ITIH5: variants seen among roughly 807,000 people sequenced by gnomAD.
ITIH5 encodes inter-alpha-trypsin inhibitor heavy chain 5.
Under a neutral mutation model 77.5 loss-of-function variants are expected in ITIH5, and 65 were observed. The observed-to-expected ratio is 0.84, with a 90% CI of 0.69 to 1.03. ITIH5 has a LOEUF of 1.03. Ranked by LOEUF, ITIH5 falls within the 50% of genes least tolerant of loss-of-function variation. The pLI is 0.00. For synonymous variants in ITIH5, 525 were observed against 494.3 expected (o/e 1.06, Z -0.82); for missense variants, 1,208 against 1,213.1 (o/e 1.00, Z 0.06).
At chr10:7,655,384 T>G (rs1053364745) in intron 2 of ITIH5, among the ~76,000 whole-genome samples, 1 of 151,856 alleles carries the variant, frequency 6.6e-6, no homozygotes, top group African/African-American at 2.4e-5. Context: ...TTAAAAAAAA[T>G]AAACCTGCAA....
intron 7 of ITIH5, among the ~76,000 whole-genome samples, chr10:7,595,694 G>A (rs1279495446): frequency 1.3e-5 from 2 of 152,024 alleles, no homozygotes; most frequent in Non-Finnish European, 1.5e-5. Flanking sequence ...ATTCTTCCAG[G>A]CACAAGGCAG....
intron 5 of ITIH5, among the ~76,000 whole-genome samples, chr10:7,624,564 T>C (rs932297974): frequency 6.6e-6 from 1 of 151,144 alleles, no homozygotes; most frequent in Non-Finnish European, 1.5e-5. Flanking sequence ...ATGCCTATAA[T>C]CCCAGCACTT....
At chr10:7,635,910 C>A (rs557555429) in intron 5 of ITIH5, among the ~76,000 whole-genome samples, 2 of 152,246 alleles carry the variant, frequency 1.3e-5, no homozygotes, top group South Asian at 4.1e-4. Context: ...CAGCCGCAGG[C>A]ACTGAATACA....
At chr10:7,598,827 T>C (rs1268958890) in intron 7 of ITIH5, among the ~76,000 whole-genome samples, 12 of 152,236 alleles carry the variant, frequency 7.9e-5, no homozygotes, top group Admixed American at 7.8e-4. Context: ...CTGGCTAAAG[T>C]CAGCCTTAAC....
intron 5 of ITIH5, chr10:7,619,676 A>C (rs916242361): frequency 1.5e-5 from 4 of 258,494 alleles, no homozygotes; most frequent in Non-Finnish European, 3.4e-5. Context: ...AGCGAGAGAC[A>C]GAACTGGGAA....
Position 7,563,121 on chromosome 10 carries a change from C to T in ITIH5, c.2791G>A (p.Gly931Arg). Residue 931 changes from glycine (G) to arginine (R), a missense_variant, in exon 14 of 14, where the codon GGG becomes AGG. Transcript: ENST00000397146. ...DYLASHPFDT[G>R]MTLGRGMSRE... ...GACATTCCCCGGCCAAGTGTCATCC[C>T]TGTGTCAAATGGATGGGATGCCAGG... 6.2e-7 allele frequency: 1 copy of T among 1,614,080 alleles called. No individual in the cohort carries two copies. Among genetic ancestry groups the T allele is most frequent in the Admixed American group, 1.7e-5 (1 of 60,028 alleles).
chr10:7,604,460 C>T (rs998137348), intron 7 of ITIH5, among the ~76,000 whole-genome samples: 12 of 152,238 alleles, frequency 7.9e-5, no homozygotes, highest in South Asian at 4.1e-4. Flanking sequence ...TTAACTCACA[C>T]GCTCCGCGTT....
At chr10:7,601,774 C>G (rs1271173783) in intron 7 of ITIH5, among the ~76,000 whole-genome samples, 1 of 152,196 alleles carries the variant, frequency 6.6e-6, no homozygotes, top group Non-Finnish European at 1.5e-5. Context: ...CAGAATTTCT[C>G]TTCATTGATT....
At chr10:7,650,447 A>C (rs1834079253) in intron 2 of ITIH5, among the ~76,000 whole-genome samples, 1 of 152,152 alleles carries the variant, frequency 6.6e-6, no homozygotes, top group African/African-American at 2.4e-5. Context: ...TGAGAAAAAC[A>C]ATACAGGGCC....
At chr10:7,642,805 C>T (rs774797487) in intron 2 of ITIH5, among the ~76,000 whole-genome samples, 1 of 152,192 alleles carries the variant, frequency 6.6e-6, no homozygotes, top group Non-Finnish European at 1.5e-5. Flanking sequence ...CTGGTGACAG[C>T]TGGTAGCAGA....
chr10:7,606,464 G>C (rs958963027), intron 7 of ITIH5, among the ~76,000 whole-genome samples: 3 of 152,180 alleles, frequency 2.0e-5, no homozygotes, highest in Admixed American at 1.3e-4. Context: ...AACATGGATG[G>C]ATCTGGGAGC....
In ITIH5 at chr10:7,590,309, C is replaced by T. The variant is rs138552381; in HGVS notation, c.940-4240G>A. ...ATTCCAACTCCTCTCCCTAAATATC[C>T]CTGTGACCATAAACTGATATTCCTT... On this transcript the variant is annotated intron_variant, in intron 7 of 13. Coordinates refer to ENST00000397146, the MANE Select transcript of ITIH5 (RefSeq NM_030569.7). Among the ~76,000 whole-genome samples, 584 of 152,308 alleles carry T rather than the reference C, an allele frequency of 3.8e-3. 5 individuals carry two copies. The highest frequency in any genetic ancestry group is 0.014 in the African/African-American group (569 of 41,582).
Position 7,624,469 on chromosome 10 carries a change from T to A in ITIH5, c.653-7187A>T, listed in dbSNP as rs961932774. Among the ~76,000 whole-genome samples the A allele has an allele frequency of 4.7e-5, 7 of 150,364 alleles. No homozygotes were observed. The East Asian group carries it at 1.4e-3, about 30-fold the overall frequency. On this transcript the variant is annotated intron_variant, in intron 5 of 13. Transcript: ENST00000397146. ...TTGCAGTGAGCCAAGATCGTACCAT[T>A]GCACTCCAGCCTGGGCAACAAGAGC...
intron 5 of ITIH5, among the ~76,000 whole-genome samples, chr10:7,629,921 C>T (rs116965613): frequency 6.3e-4 from 96 of 152,302 alleles, no homozygotes; most frequent in African/African-American, 2.3e-3. Context: ...GAATTCCAGA[C>T]AACCCACTCT....
In ITIH5 at chr10:7,642,028, G is replaced by A. The variant is rs12241347; in HGVS notation, c.198C>T (p.Phe66=). The stretch of plus-strand genomic sequence containing the variant: ...TCAGCATTCTGCAGGAAACCGTAGT[G>A]AAGGCATAACGGGAAATGATGGTAG... ...VKSTIISRYA[F]TTVSCRMLNR... Residue 66 remains phenylalanine (F), a synonymous_variant, in exon 3 of 14, where the codon TTC becomes TTT. Coordinates refer to ENST00000397146, the MANE Select transcript of ITIH5 (RefSeq NM_030569.7). 4.8e-3 allele frequency: 7,714 copies of A among 1,614,012 alleles called. 329 individuals are homozygous for A. The African/African-American group carries it at 0.087, about 18-fold the overall frequency.
Position 7,559,783 on chromosome 10 carries a change from T to C in ITIH5, c.*3300A>G, listed in dbSNP as rs1832005131. The C allele has an allele frequency of 2.2e-6, 1 of 454,814 alleles. No individual in the cohort carries two copies. Among genetic ancestry groups the C allele is most frequent in the African/African-American group, 2.0e-5 (1 of 49,760 alleles). The allele number at this position is 454,814 out of a possible 1,614,324, so 28.2% of individuals were successfully genotyped here. On this transcript the variant is annotated 3_prime_UTR_variant, in exon 14 of 14. Coordinates refer to ENST00000397146, the MANE Select transcript of ITIH5 (RefSeq NM_030569.7). ...GAGGGCCGTCTTCCTGGCTTGCAGG[T>C]GGCCATCTTCTCATCGTATCCCCAG...
At chr10:7,664,854 T>G (rs1834336987) in intron 1 of ITIH5, among the ~76,000 whole-genome samples, 1 of 152,230 alleles carries the variant, frequency 6.6e-6, no homozygotes, top group Non-Finnish European at 1.5e-5. Flanking sequence ...GTTCTAAGAT[T>G]TAAGTATATT....
intron 2 of ITIH5, among the ~76,000 whole-genome samples, chr10:7,652,614 T>C (rs1015994451): frequency 2.0e-5 from 3 of 152,184 alleles, no homozygotes; most frequent in Non-Finnish European, 4.4e-5. Context: ...GTTATATAAA[T>C]GGTCTAAGCT....
chr10:7,625,390 G>A (rs912485940), intron 5 of ITIH5, among the ~76,000 whole-genome samples: 11 of 152,138 alleles, frequency 7.2e-5, no homozygotes, highest in Admixed American at 5.9e-4. Context: ...TGGGTACAAA[G>A]TTTCAGTTTG....
Sources: allele counts gnomAD v4.1 joint callset (sites outside exome capture counted in the v4.1 genomes callset), GRCh38; gene constraint gnomAD v4.1.1; transcripts MANE v1.5; gene names NCBI Gene and HGNC (gene_info 2026-07-23, HGNC 2026-07-21).